Variants in ROBO2 observed in about 807,000 individuals in gnomAD.
ROBO2 encodes roundabout homolog 2.
ROBO2 carries 53 observed loss-of-function variants against 160.8 expected under a neutral mutation model. That is an observed-to-expected ratio of 0.33 (90% CI 0.26 to 0.41). ROBO2 has a LOEUF of 0.41. Among genes scored for constraint, ROBO2 ranks in the 10% least tolerant of loss-of-function variants. The pLI is 1.00. For synonymous variants in ROBO2, 664 were observed against 611.7 expected (o/e 1.09, Z -1.26); for missense variants, 1,577 against 1,722.4 (o/e 0.92, Z 1.49).
chr3:76,402,252 G>A (rs1029936972), intron 2 of ROBO2, among the ~76,000 whole-genome samples: 7 of 151,388 alleles, frequency 4.6e-5, no homozygotes, highest in African/African-American at 1.7e-4. Context: ...TTAAACCAAC[G>A]TTATCAATCT....
intron 15 of ROBO2, among the ~76,000 whole-genome samples, chr3:77,578,698 A>G (rs2093832470): frequency 6.6e-6 from 1 of 152,112 alleles, no homozygotes. Flanking sequence ...TTACAATACA[A>G]TAATTATATA....
At chr3:76,782,152 T>C (rs1009432679) in intron 2 of ROBO2, among the ~76,000 whole-genome samples, 2 of 150,826 alleles carry the variant, frequency 1.3e-5, no homozygotes, top group Non-Finnish European at 3.0e-5. Context: ...ACCCATTGGT[T>C]GTTCAGAAGT....
At chr3:76,723,197 A>G (rs1274512710) in intron 2 of ROBO2, among the ~76,000 whole-genome samples, 1 of 152,202 alleles carries the variant, frequency 6.6e-6, no homozygotes, top group Non-Finnish European at 1.5e-5. Context: ...TATGTATTAC[A>G]ATAGTATACA....
intron 2 of ROBO2, among the ~76,000 whole-genome samples, chr3:77,221,028 A>G (rs2085717448): frequency 6.6e-6 from 1 of 152,194 alleles, no homozygotes; most frequent in South Asian, 2.1e-4. Context: ...TACATATGTA[A>G]TGGTAAAGCT....
intron 2 of ROBO2, among the ~76,000 whole-genome samples, chr3:76,820,388 C>T (rs1462306322): frequency 1.3e-5 from 2 of 151,852 alleles, no homozygotes; most frequent in African/African-American, 2.4e-5. Context: ...GAGGAGTCTG[C>T]TACATATACA....
chr3:76,851,705 G>A (rs1280439175), intron 2 of ROBO2, among the ~76,000 whole-genome samples: 7 of 126,266 alleles, frequency 5.5e-5, no homozygotes, highest in Admixed American at 5.2e-4. Context: ...ACTGCAGTCC[G>A]CAGTCCGAGG....
At chr3:77,148,122 C>T (rs1459994520) in intron 2 of ROBO2, among the ~76,000 whole-genome samples, 1 of 152,214 alleles carries the variant, frequency 6.6e-6, no homozygotes, top group African/African-American at 2.4e-5. Context: ...TAGCTGTAAA[C>T]TTGGCAGATG....
intron 2 of ROBO2, among the ~76,000 whole-genome samples, chr3:76,502,237 T>C (rs2080499646): frequency 6.6e-6 from 1 of 152,184 alleles, no homozygotes; most frequent in Non-Finnish European, 1.5e-5. Context: ...CAGGATACAG[T>C]AGAATACAGC....
At chr3:77,277,168 C>CTT (rs1306239414) in intron 2 of ROBO2, among the ~76,000 whole-genome samples, 5 of 93,488 alleles carry the variant, frequency 5.3e-5, no homozygotes, top group Non-Finnish European at 8.4e-5. Context: ...TTCTTTCTTT[C>CTT]TTTCTTTCTT....
At chr3:77,107,387 A>C (rs1484485544) in intron 2 of ROBO2, among the ~76,000 whole-genome samples, 1 of 152,126 alleles carries the variant, frequency 6.6e-6, no homozygotes, top group Non-Finnish European at 1.5e-5. Flanking sequence ...TTAAATTAAC[A>C]CCCAAGTAGA....
At chr3:77,122,545 A>G (rs2074883684) in intron 2 of ROBO2, among the ~76,000 whole-genome samples, 1 of 152,206 alleles carries the variant, frequency 6.6e-6, no homozygotes, top group African/African-American at 2.4e-5. Flanking sequence ...TTCGGAGTAT[A>G]TGTAGAAATC....
chr3:76,503,361 A>G (rs1577698478), intron 2 of ROBO2, among the ~76,000 whole-genome samples: 1 of 152,126 alleles, frequency 6.6e-6, no homozygotes, highest in East Asian at 1.9e-4. Flanking sequence ...CCACACTGAA[A>G]CACCCAGAAT....
chr3:77,598,501 ATACGCACACACATATATATATATGTG>A (rs2094358466), intron 19 of ROBO2, among the ~76,000 whole-genome samples: 1 of 132,334 alleles, frequency 7.6e-6, no homozygotes, highest in African/African-American at 2.7e-5. Flanking sequence ...ATATATATAT[ATACGCACACACATATATATATATGTG>A]TATATATATA....
chr3:77,179,152 A>G (rs561321386), intron 2 of ROBO2, among the ~76,000 whole-genome samples: 6 of 152,132 alleles, frequency 3.9e-5, no homozygotes, highest in African/African-American at 1.4e-4. Context: ...TTTCCTAATA[A>G]AAATTCAAGA....
chr3:77,519,039 T>C (rs1048048776), intron 5 of ROBO2, among the ~76,000 whole-genome samples: 17 of 151,660 alleles, frequency 1.1e-4, no homozygotes, highest in African/African-American at 4.1e-4. Flanking sequence ...GCTGTTTTAT[T>C]TTAATGGCAC....
At chr3:76,989,018 T>C (rs2060528442) in intron 2 of ROBO2, among the ~76,000 whole-genome samples, 1 of 150,386 alleles carries the variant, frequency 6.6e-6, no homozygotes, top group East Asian at 1.9e-4. Flanking sequence ...TGTATTTTCA[T>C]ATGTATTATC....
At chr3:76,681,457 G>T (rs1373357595) in intron 2 of ROBO2, among the ~76,000 whole-genome samples, 1 of 151,956 alleles carries the variant, frequency 6.6e-6, no homozygotes, top group Non-Finnish European at 1.5e-5. Context: ...AAAAAATGAG[G>T]CTCAGAGAAG....
At chr3:76,955,431 C>T (rs555070069) in intron 2 of ROBO2, among the ~76,000 whole-genome samples, 69 of 152,180 alleles carry the variant, frequency 4.5e-4, no homozygotes, top group Admixed American at 1.0e-3. Flanking sequence ...CTGAGGGGAA[C>T]CACTAAATTG....
intron 2 of ROBO2, among the ~76,000 whole-genome samples, chr3:76,303,908 C>G (rs372979700): frequency 3.0e-4 from 46 of 152,240 alleles, no homozygotes; most frequent in Middle Eastern, 3.4e-3. Context: ...TCAGGTGCTG[C>G]AGGGTCTTAA....
Sources: allele counts gnomAD v4.1 joint callset (sites outside exome capture counted in the v4.1 genomes callset), GRCh38; gene constraint gnomAD v4.1.1; transcripts MANE v1.5; gene names NCBI Gene and HGNC (gene_info 2026-07-23, HGNC 2026-07-21).